The following TPST1 variants were observed in gnomAD, a reference collection of about 807,000 sequenced individuals.
The protein encoded by TPST1 is protein-tyrosine sulfotransferase 1.
A neutral mutation model predicts 34.8 loss-of-function variants in TPST1; 20 were observed. That is an observed-to-expected ratio of 0.57 (90% CI 0.40 to 0.84). The LOEUF is 0.84. Ranked by LOEUF, TPST1 falls within the 40% of genes least tolerant of loss-of-function variation. The probability of loss-of-function intolerance (pLI) is 0.00; values close to 1 mark genes in which losing one functional copy is unlikely to be tolerated. For synonymous variants in TPST1, 152 were observed against 159.4 expected (o/e 0.95, Z 0.35); for missense variants, 353 against 455.5 (o/e 0.78, Z 2.05).
intron 2 of TPST1, among the ~76,000 whole-genome samples, chr7:66,281,023 A>C: frequency 6.6e-6 from 1 of 152,154 alleles, no homozygotes; most frequent in Middle Eastern, 3.4e-3. Context: ...GCTTGTTGAG[A>C]GTTTTTAACA....
intron 3 of TPST1, among the ~76,000 whole-genome samples, chr7:66,300,122 C>T (rs1202132107): frequency 6.6e-6 from 1 of 152,126 alleles, no homozygotes; most frequent in African/African-American, 2.4e-5. Context: ...AATCATTTTG[C>T]TGGTGGAGAC....
At chr7:66,249,653 G>A (rs1367491696) in intron 2 of TPST1, among the ~76,000 whole-genome samples, 1 of 152,182 alleles carries the variant, frequency 6.6e-6, no homozygotes, top group African/African-American at 2.4e-5. Flanking sequence ...GAGAACCACT[G>A]CTTAAAATCA....
chr7:66,242,003 A>G (rs186807076), intron 2 of TPST1, among the ~76,000 whole-genome samples: 93 of 152,348 alleles, frequency 6.1e-4, no homozygotes, highest in African/African-American at 2.2e-3. Flanking sequence ...TTGGAAGCCT[A>G]ATCCATACAA....
intron 2 of TPST1, among the ~76,000 whole-genome samples, chr7:66,253,836 T>C (rs1488981554): frequency 1.3e-5 from 2 of 151,548 alleles, no homozygotes; most frequent in African/African-American, 4.8e-5. Context: ...TAAGGAGTTA[T>C]ACCCCAGCCT....
intron 3 of TPST1, among the ~76,000 whole-genome samples, chr7:66,319,963 A>G (rs568878314): frequency 6.6e-6 from 1 of 152,160 alleles, no homozygotes; most frequent in South Asian, 2.1e-4. Flanking sequence ...CTTTTCTCCA[A>G]AGATAATCTC....
intron 1 of TPST1, among the ~76,000 whole-genome samples, chr7:66,227,026 AGC>A (rs1789669371): frequency 3.5e-5 from 2 of 56,840 alleles, no homozygotes; most frequent in African/African-American, 8.8e-5. Flanking sequence ...CCTTAAAATA[AGC>A]TTTTTTTTTT....
intron 3 of TPST1, among the ~76,000 whole-genome samples, chr7:66,318,151 C>G (rs985738642): frequency 6.6e-6 from 1 of 152,082 alleles, no homozygotes; most frequent in Non-Finnish European, 1.5e-5. Context: ...GAGCAAGACT[C>G]TTTCTCAAAA....
At chr7:66,317,913 CTT>C (rs1791667195) in intron 3 of TPST1, among the ~76,000 whole-genome samples, 1 of 152,168 alleles carries the variant, frequency 6.6e-6, no homozygotes, top group Non-Finnish European at 1.5e-5. Flanking sequence ...AATCCCATCA[CTT>C]TGGGAGGCCA....
At chr7:66,324,927 T>A (rs1028083268) in intron 3 of TPST1, among the ~76,000 whole-genome samples, 3 of 152,310 alleles carry the variant, frequency 2.0e-5, no homozygotes, top group African/African-American at 7.2e-5. Context: ...AAATGTATTC[T>A]GTTCTTTCTT....
intron 2 of TPST1, among the ~76,000 whole-genome samples, chr7:66,276,208 T>C (rs1239668903): frequency 6.6e-6 from 1 of 151,468 alleles, no homozygotes; most frequent in East Asian, 1.9e-4. Context: ...TTTTTAAAAA[T>C]AATGTTTTCT....
chr7:66,352,583 G>A (rs1317398024), intron 4 of TPST1, 28 bp downstream of exon 4: 3 of 1,610,884 alleles, frequency 1.9e-6, no homozygotes, highest in Non-Finnish European at 2.5e-6. Flanking sequence ...TCCTCCTGAT[G>A]TATACTAGAT....
intron 3 of TPST1, among the ~76,000 whole-genome samples, chr7:66,335,753 C>G (rs1792083521): frequency 6.6e-6 from 1 of 151,960 alleles, no homozygotes; most frequent in African/African-American, 2.4e-5. Context: ...TAAGTCTTCC[C>G]CAGAATGGGA....
At chr7:66,274,396 C>CA (rs1405176838) in intron 2 of TPST1, among the ~76,000 whole-genome samples, 1 of 151,544 alleles carries the variant, frequency 6.6e-6, no homozygotes, top group Non-Finnish European at 1.5e-5. Context: ...CTCGGCCTCT[C>CA]AAAGTGCTGG....
chr7:66,272,720 G>A (rs1222153092), intron 2 of TPST1, among the ~76,000 whole-genome samples: 2 of 151,904 alleles, frequency 1.3e-5, no homozygotes, highest in Non-Finnish European at 2.9e-5. Flanking sequence ...CCAAGTAGCT[G>A]GGACTACAGG....
intron 2 of TPST1, among the ~76,000 whole-genome samples, chr7:66,250,813 A>AC (rs1363010228): frequency 6.6e-6 from 1 of 152,206 alleles, no homozygotes; most frequent in Non-Finnish European, 1.5e-5. Context: ...ATTAAGTTAA[A>AC]CAAGAGTTAC....
chr7:66,214,990 T>C (rs1376921176), intron 1 of TPST1, among the ~76,000 whole-genome samples: 1 of 146,840 alleles, frequency 6.8e-6, no homozygotes, highest in African/African-American at 2.5e-5. Flanking sequence ...ATGCATTAAC[T>C]ATATAAATAT....
At chr7:66,272,628 G>T (rs1306440366) in intron 2 of TPST1, among the ~76,000 whole-genome samples, 2 of 143,636 alleles carry the variant, frequency 1.4e-5, no homozygotes, top group African/African-American at 5.2e-5. Context: ...TCACTCTGTT[G>T]CCCAGGTTGG....
chr7:66,268,618 A>G (rs1470097197), intron 2 of TPST1, among the ~76,000 whole-genome samples: 2 of 152,218 alleles, frequency 1.3e-5, no homozygotes, highest in Admixed American at 6.5e-5. Context: ...GTCAGTAGAA[A>G]TGTAAACCCT....
At chr7:66,261,138 T>C (rs1445078831) in intron 2 of TPST1, among the ~76,000 whole-genome samples, 4 of 152,046 alleles carry the variant, frequency 2.6e-5, no homozygotes, top group South Asian at 2.1e-4. Context: ...GGGGCAATTA[T>C]GGGGATCACT....
Sources: gnomAD v4.1 joint callset for allele counts (sites outside exome capture counted in the v4.1 genomes callset) on GRCh38, gnomAD v4.1.1 for gene constraint, MANE v1.5 for transcripts, NCBI Gene and HGNC (gene_info 2026-07-23, HGNC 2026-07-21) for gene names.